Variants in VPS35 observed in about 807,000 individuals in gnomAD.
VPS35 encodes the protein VPS35 retromer complex component.
A neutral mutation model predicts 98.1 loss-of-function variants in VPS35; 21 were observed. The observed-to-expected ratio is 0.21, with a 90% CI of 0.15 to 0.31. The LOEUF is 0.31. Among genes scored for constraint, VPS35 ranks in the 10% least tolerant of loss-of-function variants. The probability of loss-of-function intolerance (pLI) is 1.00; values close to 1 mark genes in which losing one functional copy is unlikely to be tolerated. For missense variants in VPS35, 554 were observed against 950.8 expected, an observed-to-expected ratio of 0.58 and a Z score of 5.49; for synonymous variants, 268 against 318.2, an observed-to-expected ratio of 0.84 and a Z score of 1.68.
At chr16:46,674,146 A>C (rs1966106779) in intron 10 of VPS35, among the ~76,000 whole-genome samples, 168 bp downstream of exon 10, 1 of 152,232 alleles carries the variant, frequency 6.6e-6, no homozygotes, top group African/African-American at 2.4e-5. Flanking sequence ...ATATAAAAAA[A>C]CAAGTAATTG....
In VPS35 at chr16:46,689,120, T is replaced by G; in HGVS notation, c.3+11A>C. The G allele has an allele frequency of 1.2e-6, 2 of 1,608,826 alleles. No individual in the cohort carries two copies. Among genetic ancestry groups the G allele is most frequent in the Non-Finnish European group, 1.7e-6 (2 of 1,178,420 alleles). ...GGTCGACCCAGGTGCCACTGCCCCCTCAGCACTCACCATGGCGACTCCCCA... is the reference window on the plus strand; with the variant it reads ...GGTCGACCCAGGTGCCACTGCCCCCGCAGCACTCACCATGGCGACTCCCCA... On this transcript the variant is annotated intron_variant, in intron 1 of 16. Transcript: ENST00000299138.
At position 46,660,138 on chromosome 16, in the gene VPS35, CA is replaced by C. The variant is rs897842857; in HGVS notation, c.*333del. ...ATCAACAATGAAGCAAACAAACAAA[CA>C]AAAAAAAGGAGAGCTTCATTAGTAG... On this transcript the variant is annotated 3_prime_UTR_variant, in exon 17 of 17. Transcript: ENST00000299138. 12 of 183,390 alleles carry C rather than the reference CA, an allele frequency of 6.5e-5. No homozygotes were observed. The highest frequency in any genetic ancestry group is 8.3e-5 in the Non-Finnish European group (8 of 96,612). 11.4% of individuals were successfully genotyped at this position (183,390 alleles called of 1,614,324 possible).
chr16:46,678,418 G>A (rs141466684), intron 6 of VPS35, among the ~76,000 whole-genome samples: 4 of 151,600 alleles, frequency 2.6e-5, no homozygotes, highest in Admixed American at 6.6e-5. Flanking sequence ...GGACAAGCTT[G>A]TTGTACAGCA....
At chr16:46,688,761 G>A (rs551083977) in intron 1 of VPS35, 233 of 1,230,406 alleles carry the variant, frequency 1.9e-4, no homozygotes, top group Admixed American at 5.4e-4. Flanking sequence ...GGGCCTCCAC[G>A]CGCCCCGGGG....
chr16:46,687,979 T>A (rs1309808180), intron 1 of VPS35, among the ~76,000 whole-genome samples: 1 of 152,212 alleles, frequency 6.6e-6, no homozygotes, highest in Non-Finnish European at 1.5e-5. Context: ...CAAAACAATA[T>A]AAATGTCAAT....
Position 46,683,555 on chromosome 16 carries a change from C to T in VPS35, c.55G>A (p.Ala19Thr). 6.2e-7 allele frequency: 1 copy of T among 1,614,056 alleles called. No homozygotes were observed. The highest frequency in any genetic ancestry group is 8.5e-7 in the Non-Finnish European group (1 of 1,180,030). Residue 19 changes from alanine (A) to threonine (T), a missense_variant, in exon 2 of 17, where the codon GCC (alanine) becomes ACC (threonine). Physicochemically the swap from Ala to Thr is moderately conservative, Grantham distance 58. Transcript: ENST00000299138. ...GACTGGACCTTCACAGCCTGTATGG[C>T]TTCATCCAAGAGCTTTTCCTGCTCA... is the stretch of plus-strand genomic sequence containing the variant. ...QDEQEKLLDE[A>T]IQAVKVQSFQ...
Position 46,674,311 on chromosome 16 carries a change from T to G in VPS35, c.1160+3A>C. On this transcript the variant is annotated splice_donor_region_variant and intron_variant, in intron 10 of 16. Coordinates refer to ENST00000299138, the MANE Select transcript of VPS35 (RefSeq NM_018206.6). ...GATTTTTACAAAAATGTAACTGACT[T>G]ACTGTTCAAGGTTGAGCTTATTGAA... is the stretch of plus-strand genomic sequence containing the variant. 6.2e-7 allele frequency: 1 copy of G among 1,613,988 alleles called. No individual in the cohort carries two copies. The highest frequency in any genetic ancestry group is 8.5e-7 in the Non-Finnish European group (1 of 1,179,948).
At chr16:46,688,943 C>T in intron 1 of VPS35, 188 bp downstream of exon 1, 1 of 1,486,542 alleles carries the variant, frequency 6.7e-7, no homozygotes, top group South Asian at 1.3e-5. Context: ...CGCCGCCCAC[C>T]CCGGCCCGGA....
At chr16:46,662,654 G>A (rs539615622) in intron 14 of VPS35, among the ~76,000 whole-genome samples, 172 bp from the exon 15 acceptor site, 17 of 152,198 alleles carry the variant, frequency 1.1e-4, no homozygotes, top group Middle Eastern at 3.4e-3. Flanking sequence ...TGGTAAAAAC[G>A]CTAAAAAGTT....
At chr16:46,677,945 A>G (rs1290637668) in intron 6 of VPS35, among the ~76,000 whole-genome samples, 1 of 152,138 alleles carries the variant, frequency 6.6e-6, no homozygotes, top group Admixed American at 6.5e-5. Flanking sequence ...TTTTTTCTAT[A>G]TGGTATGAGG....
chr16:46,674,180 G>C (rs1966107565), intron 10 of VPS35, 134 bp downstream of exon 10: 3 of 1,002,966 alleles, frequency 3.0e-6, no homozygotes, highest in Non-Finnish European at 4.5e-6. Flanking sequence ...GCCCCTAGTA[G>C]TGCTAAGCAT....
Position 46,661,640 on chromosome 16 carries a change from CTT to C in VPS35, c.2211+76_2211+77del. The C allele has an allele frequency of 7.4e-7, 1 of 1,346,496 alleles. No homozygotes were observed. The highest frequency in any genetic ancestry group is 1.1e-6 in the Non-Finnish European group (1 of 947,080). 83.4% of individuals were successfully genotyped at this position (1,346,496 alleles called of 1,614,324 possible). On this transcript the variant is annotated intron_variant, in intron 16 of 16. Coordinates refer to ENST00000299138, the MANE Select transcript of VPS35 (RefSeq NM_018206.6). The surrounding 1 kb of genome is among the most constrained non-coding windows in gnomAD (Gnocchi z 4.3). Reference sequence around the variant, plus strand: ...GTGATTAAAGTATCAGAATGATAAACTTTTGTACATATCAAATCTCCTAAGAG... The same window carrying C: ...GTGATTAAAGTATCAGAATGATAAACTTGTACATATCAAATCTCCTAAGAG...
Position 46,665,590 on chromosome 16 carries a change from C to A in VPS35, c.1648-2428G>T, listed in dbSNP as rs1344999347. 8.3e-4 allele frequency among the ~76,000 whole-genome samples: 119 copies of A among 143,262 alleles called. 3 individuals carry two copies. Among genetic ancestry groups the A allele is most frequent in the East Asian group, 1.4e-3 (7 of 4,988 alleles). The allele number at this position is 143,262 out of a possible 152,430, so 94.0% of individuals were successfully genotyped here. ...AGTCTGGGCAACAAAGACCTTGACTCAAAAAAAAAAAAAAAAGTGACAGTG... is the reference window on the plus strand; with the variant it reads ...AGTCTGGGCAACAAAGACCTTGACTAAAAAAAAAAAAAAAAAGTGACAGTG... On this transcript the variant is annotated intron_variant, in intron 13 of 16. Coordinates refer to ENST00000299138, the MANE Select transcript of VPS35 (RefSeq NM_018206.6).
In VPS35 at chr16:46,659,733, T is replaced by C. The variant is rs758047233; in HGVS notation, c.*739A>G. 12 of 152,210 alleles carry C rather than the reference T, an allele frequency of 7.9e-5. No homozygotes were observed. Among genetic ancestry groups the C allele is most frequent in the Non-Finnish European group, 1.8e-4 (12 of 68,036 alleles). The allele number at this position is 152,210 out of a possible 1,614,324, so 9.4% of individuals were successfully genotyped here. ...GCAAAAAAAAAAATCATAATTGTGA[T>C]GCATTTCCTGCTAAATTTACAATGA... is the stretch of plus-strand genomic sequence containing the variant. On this transcript the variant is annotated 3_prime_UTR_variant, in exon 17 of 17. Transcript: ENST00000299138.
Position 46,660,612 on chromosome 16 carries a change from G to A in VPS35, c.2251C>T (p.Arg751Ter). The change falls in exon 17 of 17, where the codon CGA becomes TGA. Residue 751 changes from arginine (R) to a stop codon, truncating the protein, a stop_gained. Transcript: ENST00000299138. LOFTEE classifies it high-confidence loss of function. ...GATTCAAGATTCGGGAGGTCTTCTC[G>A]AATCTTTTGGATAAGCTGGTTTAAA... is the stretch of plus-strand genomic sequence containing the variant. ...QVLNQLIQKI[R>*]EDLPNLESSE... The A allele has an allele frequency of 6.2e-7, 1 of 1,613,928 alleles. No homozygotes were observed. The highest frequency in any genetic ancestry group is 8.5e-7 in the Non-Finnish European group (1 of 1,179,986).
Position 46,659,012 on chromosome 16 carries a change from C to A in VPS35, c.*1460G>T, listed in dbSNP as rs1287206836. On this transcript the variant is annotated 3_prime_UTR_variant, in exon 17 of 17. Coordinates refer to ENST00000299138, the MANE Select transcript of VPS35 (RefSeq NM_018206.6). ...TGAGCATGTCACTTCCACAGGGAGG[C>A]CACTGAAAGGCACTGTGGTTTCCTT... The A allele has an allele frequency of 6.6e-6, 1 of 152,328 alleles. No homozygotes were observed. The highest frequency in any genetic ancestry group is 2.4e-5 in the African/African-American group (1 of 41,468). The allele number at this position is 152,328 out of a possible 1,614,324, so 9.4% of individuals were successfully genotyped here.
At chr16:46,679,223 T>C (rs995433271) in intron 5 of VPS35, 67 bp from the exon 6 acceptor site, 23 of 1,380,274 alleles carry the variant, frequency 1.7e-5, no homozygotes, top group African/African-American at 5.8e-5. Flanking sequence ...CCTTCTCCTT[T>C]GTGTATTTCC....
chr16:46,681,861 T>G, intron 3 of VPS35: 2 of 565,184 alleles, frequency 3.5e-6, no homozygotes, highest in Non-Finnish European at 3.2e-6. Context: ...AAAATTGAGA[T>G]GCACCGACAA....
intron 1 of VPS35, among the ~76,000 whole-genome samples, chr16:46,684,777 A>T (rs918955954): frequency 6.6e-6 from 1 of 152,224 alleles, no homozygotes; most frequent in African/African-American, 2.4e-5. Context: ...GAATGTTTAG[A>T]TATTTAACAA....
Sources: allele counts gnomAD v4.1 joint callset (sites outside exome capture counted in the v4.1 genomes callset), GRCh38; gene constraint gnomAD v4.1.1; non-coding constraint Gnocchi (gnomAD v3.1); transcripts MANE v1.5; gene names NCBI Gene and HGNC (gene_info 2026-07-23, HGNC 2026-07-21).